CD99L2: variants seen among roughly 807,000 people sequenced by gnomAD.
CD99L2 encodes the protein CD99 antigen-like protein 2.
In CD99L2, 24 loss-of-function variants were observed where a neutral mutation model predicts 27.3. That is an observed-to-expected ratio of 0.88 (90% CI 0.64 to 1.24). CD99L2 has a LOEUF of 1.24. CD99L2 is among the 50% of genes most tolerant of loss of function. The pLI is 0.00. For synonymous variants in CD99L2, 97 were observed against 87.9 expected, an observed-to-expected ratio of 1.10 and a Z score of -0.58; for missense variants, 255 against 221.6, an observed-to-expected ratio of 1.15 and a Z score of -0.96.
chrX:150,803,691 G>A (rs1470052605), intron 4 of CD99L2, among the ~76,000 whole-genome samples: 1 of 111,716 alleles, frequency 9.0e-6, no homozygotes, highest in African/African-American at 3.3e-5. Flanking sequence ...TTGAACAAAC[G>A]GTGCTGGAGT....
At chrX:150,833,789 A>C (rs2046482359) in intron 1 of CD99L2, among the ~76,000 whole-genome samples, 1 of 112,097 alleles carries the variant, frequency 8.9e-6, no homozygotes, top group African/African-American at 3.2e-5. Flanking sequence ...AAAATGAATA[A>C]AAGACTTAAA....
At chrX:150,805,937 G>T (rs1437229261) in intron 4 of CD99L2, among the ~76,000 whole-genome samples, 1 of 111,416 alleles carries the variant, frequency 9.0e-6, no homozygotes, top group Admixed American at 9.5e-5. Flanking sequence ...CAACAAGAGG[G>T]ATCTTTGTGG....
At chrX:150,876,349 C>T (rs1310514746) in intron 1 of CD99L2, among the ~76,000 whole-genome samples, 5 of 111,731 alleles carry the variant, frequency 4.5e-5, no homozygotes, top group Non-Finnish European at 9.4e-5. Context: ...GCTCCTTCTG[C>T]CTAGTTTCTT....
chrX:150,873,025 C>T (rs1456904043), intron 1 of CD99L2, among the ~76,000 whole-genome samples: 1 of 111,567 alleles, frequency 9.0e-6, no homozygotes, highest in Non-Finnish European at 1.9e-5. Flanking sequence ...GGAATATCAC[C>T]GAGCATTACC....
At chrX:150,776,394 A>G in intron 8 of CD99L2, 101 bp from the exon 9 acceptor site, 1 of 971,570 alleles carries the variant, frequency 1.0e-6, no homozygotes, top group African/African-American at 1.9e-5. Context: ...CCAAACTACT[A>G]GACGCCCCCA....
At chrX:150,775,924 A>G (rs1207093485) in intron 9 of CD99L2, among the ~76,000 whole-genome samples, 1 of 112,435 alleles carries the variant, frequency 8.9e-6, no homozygotes, top group Middle Eastern at 4.2e-3. Context: ...TACCCCTGGG[A>G]GCTGGGGCCC....
intron 1 of CD99L2, among the ~76,000 whole-genome samples, chrX:150,878,781 A>C (rs1210461869): frequency 2.7e-5 from 3 of 111,978 alleles, no homozygotes; most frequent in Non-Finnish European, 5.6e-5. Context: ...ACATTTAAAT[A>C]CATTTTTTAA....
In CD99L2 at chrX:150,824,453, GAAGA is replaced by G. The variant is rs1375571694; in HGVS notation, c.130+6774_130+6777del. On this transcript the variant is annotated intron_variant, in intron 2 of 10. Transcript: ENST00000370377. ...AAGAAGAAGAAAGAAGAAAGAAGAA[GAAGA>G]AAGAAGAAAGAAGAAGAAGAAAGAA... Among the ~76,000 whole-genome samples the G allele has an allele frequency of 2.8e-3, 267 of 95,500 alleles. 2 individuals are homozygous for G. The highest frequency in any genetic ancestry group is 0.01 in the African/African-American group (261 of 25,504). 82.9% of individuals were successfully genotyped at this position (95,500 alleles called of 115,157 possible). A position where few individuals can be genotyped will look rare whatever the true frequency, so the allele number is the denominator to read the frequency against.
intron 1 of CD99L2, 94 bp downstream of exon 1, chrX:150,898,428 G>C (rs1182369379): frequency 2.8e-6 from 2 of 719,425 alleles, no homozygotes; most frequent in Non-Finnish European, 3.6e-6. Context: ...GCAGGCCCGA[G>C]AGGCGGGGAC....
At chrX:150,846,108 C>T (rs782563359) in intron 1 of CD99L2, among the ~76,000 whole-genome samples, 1 of 112,575 alleles carries the variant, frequency 8.9e-6, no homozygotes, top group East Asian at 2.8e-4. Flanking sequence ...AGGAGAATCG[C>T]TTGAACCCGG....
chrX:150,886,974 T>C (rs1373617787), intron 1 of CD99L2, among the ~76,000 whole-genome samples: 2 of 110,032 alleles, frequency 1.8e-5, no homozygotes, highest in African/African-American at 6.6e-5. Context: ...TGAGATTCTG[T>C]CTCTACAAAT....
intron 1 of CD99L2, among the ~76,000 whole-genome samples, chrX:150,886,610 C>T (rs1475963672): frequency 1.8e-5 from 2 of 112,533 alleles, no homozygotes; most frequent in African/African-American, 3.2e-5. Context: ...TGGCTGTATC[C>T]GTCTTTACAG....
At chrX:150,830,605 T>TC (rs2046428885) in intron 2 of CD99L2, among the ~76,000 whole-genome samples, 1 of 109,662 alleles carries the variant, frequency 9.1e-6, no homozygotes, top group Non-Finnish European at 1.9e-5. Context: ...GAGAAACAAA[T>TC]CTTTTATTCA....
chrX:150,774,112 T>C (rs1228707245), intron 9 of CD99L2, among the ~76,000 whole-genome samples: 3 of 111,829 alleles, frequency 2.7e-5, no homozygotes, highest in African/African-American at 6.5e-5. Context: ...TTTGAGGACA[T>C]CTTTGGGTGT....
chrX:150,785,406 G>A (rs782334553), intron 7 of CD99L2, among the ~76,000 whole-genome samples: 4 of 111,538 alleles, frequency 3.6e-5, no homozygotes, highest in South Asian at 3.8e-4. Context: ...CTTGTCAATC[G>A]ATCTTATTTT....
At chrX:150,794,634 T>C (rs1324822112) in intron 6 of CD99L2, among the ~76,000 whole-genome samples, 3 of 112,218 alleles carry the variant, frequency 2.7e-5, no homozygotes, top group Admixed American at 1.9e-4. Flanking sequence ...ACCGCTTTTG[T>C]TGGGGCCAAG....
intron 1 of CD99L2, among the ~76,000 whole-genome samples, chrX:150,867,752 G>C (rs1557422076): frequency 1.8e-5 from 2 of 110,178 alleles, no homozygotes; most frequent in Non-Finnish European, 3.8e-5. Flanking sequence ...AACTAGCTGG[G>C]CGTGGTGGCA....
intron 2 of CD99L2, among the ~76,000 whole-genome samples, chrX:150,822,355 G>T (rs1225993666): frequency 8.9e-6 from 1 of 112,029 alleles, no homozygotes; most frequent in African/African-American, 3.2e-5. Context: ...GGTTATTTGG[G>T]GTTGGGAGGA....
intron 1 of CD99L2, among the ~76,000 whole-genome samples, chrX:150,837,848 C>G (rs1264793199): frequency 8.9e-6 from 1 of 112,318 alleles, no homozygotes; most frequent in East Asian, 2.8e-4. Flanking sequence ...CTATCTGTCT[C>G]TCATGGAGGT....
Sources: gnomAD v4.1 joint callset for allele counts (sites outside exome capture counted in the v4.1 genomes callset) on GRCh38, gnomAD v4.1.1 for gene constraint, MANE v1.5 for transcripts, NCBI Gene and HGNC (gene_info 2026-07-23, HGNC 2026-07-21) for gene names.